The following ENTHD1 variants were observed in gnomAD, a reference collection of about 807,000 sequenced individuals.
ENTHD1 encodes the protein ENTH domain containing 1, also known as ENTH domain-containing protein 1.
A neutral mutation model predicts 39.1 loss-of-function variants in ENTHD1; 23 were observed. The ratio of observed to expected loss-of-function variants is 0.59; its 90% CI spans 0.42 to 0.83. ENTHD1 has a LOEUF of 0.83. Among genes scored for constraint, ENTHD1 ranks in the 40% least tolerant of loss-of-function variants. ENTHD1 has a pLI of 0.00. For synonymous variants in ENTHD1, 230 were observed against 258.2 expected (o/e 0.89, Z 1.05); for missense variants, 624 against 705.4 (o/e 0.88, Z 1.31).
chr22:39,779,285 G>A (rs2065389574), intron 5 of ENTHD1, among the ~76,000 whole-genome samples: 1 of 152,132 alleles, frequency 6.6e-6, no homozygotes, highest in South Asian at 2.1e-4. Flanking sequence ...AGGTTGCAGT[G>A]AGCCAAGATC....
intron 5 of ENTHD1, among the ~76,000 whole-genome samples, chr22:39,805,355 CA>C (rs1173415110): frequency 2.0e-4 from 31 of 152,122 alleles, no homozygotes; most frequent in Non-Finnish European, 2.9e-5. Context: ...ATCAGTCACT[CA>C]AAGTCCCTTA....
rs1601671926 is a variant in ENTHD1, at chr22:39,887,306, G to A, written c.349+94C>T. 4.7e-6 allele frequency: 5 copies of A among 1,072,166 alleles called. No individual in the cohort carries two copies. The East Asian group carries it at 1.2e-4, about 26-fold the overall frequency. 66.4% of individuals were successfully genotyped at this position (1,072,166 alleles called of 1,614,324 possible). A position where few individuals can be genotyped will look rare whatever the true frequency, so the allele number is the denominator to read the frequency against. ...TCCTCACTACAGCATCAAATGCCTG[G>A]GCTCATGCAGTCCTCCCACCTCAGC... On this transcript the variant is annotated intron_variant, in intron 2 of 6. Coordinates refer to ENST00000325157, the MANE Select transcript of ENTHD1 (RefSeq NM_152512.4).
intron 1 of ENTHD1, among the ~76,000 whole-genome samples, chr22:39,889,462 A>G (rs1885812862): frequency 6.6e-6 from 1 of 152,232 alleles, no homozygotes; most frequent in Non-Finnish European, 1.5e-5. Context: ...GCTGGCTGCC[A>G]AGACAGTGTA....
chr22:39,794,992 C>A lies in ENTHD1; in HGVS notation c.832+26001G>T, dbSNP rs143345204. Among the ~76,000 whole-genome samples, 436 of 152,098 alleles carry A rather than the reference C, an allele frequency of 2.9e-3. 7 individuals carry two copies. The highest frequency in any genetic ancestry group is 1.0e-2 in the African/African-American group (415 of 41,516). Reference sequence around the variant, plus strand: ...ATCATGAAGCGTCATTGGATTTTATCAAACGCTTTTTTGACATCTATTAAG... The same window carrying A: ...ATCATGAAGCGTCATTGGATTTTATAAAACGCTTTTTTGACATCTATTAAG... On this transcript the variant is annotated intron_variant, in intron 5 of 6. Transcript: ENST00000325157.
At chr22:39,890,125 A>C (rs1429430928) in intron 1 of ENTHD1, among the ~76,000 whole-genome samples, 1 of 150,142 alleles carries the variant, frequency 6.7e-6, no homozygotes, top group Non-Finnish European at 1.5e-5. Context: ...TAAATAAATA[A>C]ATAAATAAAT....
chr22:39,748,213 C>T (rs534352485), intron 6 of ENTHD1, among the ~76,000 whole-genome samples: 27 of 147,674 alleles, frequency 1.8e-4, no homozygotes, highest in Admixed American at 1.3e-3. Flanking sequence ...CATGCCAGGG[C>T]GCTCCAACCT....
intron 5 of ENTHD1, among the ~76,000 whole-genome samples, chr22:39,767,197 G>A (rs561135949): frequency 8.5e-4 from 130 of 152,166 alleles, no homozygotes; most frequent in Middle Eastern, 6.8e-3. Context: ...AAAAAGTAAC[G>A]CCTTCATTTT....
At chr22:39,763,861 A>T (rs1351736990) in intron 6 of ENTHD1, among the ~76,000 whole-genome samples, 1 of 152,192 alleles carries the variant, frequency 6.6e-6, no homozygotes, top group African/African-American at 2.4e-5. Context: ...CATGAAATAA[A>T]AAAACCAAAC....
intron 2 of ENTHD1, among the ~76,000 whole-genome samples, chr22:39,882,644 C>T (rs1374373490): frequency 3.3e-5 from 5 of 152,100 alleles, no homozygotes; most frequent in African/African-American, 1.2e-4. Flanking sequence ...AATAAATGCA[C>T]ATTTATTTAA....
chr22:39,856,452 C>T (rs2066088595), intron 3 of ENTHD1, among the ~76,000 whole-genome samples: 1 of 151,950 alleles, frequency 6.6e-6, no homozygotes, highest in Non-Finnish European at 1.5e-5. Context: ...TGAACACAAA[C>T]ACAGACATCT....
At chr22:39,791,890 C>T (rs1430998689) in intron 5 of ENTHD1, among the ~76,000 whole-genome samples, 2 of 151,886 alleles carry the variant, frequency 1.3e-5, no homozygotes, top group Admixed American at 6.6e-5. Context: ...CTTCTCCCAC[C>T]CTCCTCCCTC....
chr22:39,869,422 G>A (rs2066218764), intron 2 of ENTHD1, among the ~76,000 whole-genome samples: 1 of 151,974 alleles, frequency 6.6e-6, no homozygotes, highest in Non-Finnish European at 1.5e-5. Context: ...CTAAACATTG[G>A]GTACCCATAG....
rs188268694 is a variant in ENTHD1 at position 39,791,821 on chromosome 22, C to T, written c.833-26212G>A. 1.2e-4 allele frequency among the ~76,000 whole-genome samples: 18 copies of T among 152,152 alleles called. 1 individual carries two copies. The highest frequency in any genetic ancestry group is 2.1e-4 in the South Asian group (1 of 4,810). On this transcript the variant is annotated intron_variant, in intron 5 of 6. Transcript: ENST00000325157. ...GGGTTTGGTGTACAGATCATTTTGT[C>T]GCCTGGGTACTATGCTCAGTTTTTT...
At chr22:39,869,108 T>C (rs964974024) in intron 2 of ENTHD1, among the ~76,000 whole-genome samples, 7 of 152,184 alleles carry the variant, frequency 4.6e-5, no homozygotes, top group African/African-American at 1.7e-4. Context: ...GCAATCCCAT[T>C]ACTAGGTATA....
chr22:39,749,324 C>G (rs906675091), intron 6 of ENTHD1, among the ~76,000 whole-genome samples: 5 of 152,224 alleles, frequency 3.3e-5, no homozygotes, highest in African/African-American at 1.2e-4. Flanking sequence ...ATTTTAAAAT[C>G]TCATTGTGTG....
At chr22:39,813,666 A>C (rs1024932260) in intron 5 of ENTHD1, among the ~76,000 whole-genome samples, 7 of 152,256 alleles carry the variant, frequency 4.6e-5, no homozygotes, top group African/African-American at 1.7e-4. Context: ...TAGGAAGTCC[A>C]CGATCACACT....
chr22:39,875,698 C>G (rs573452679), intron 2 of ENTHD1: 2 of 1,612,210 alleles, frequency 1.2e-6, no homozygotes, highest in African/African-American at 1.3e-5. Flanking sequence ...TCACCCAGTT[C>G]GTTTCCAGCA....
intron 5 of ENTHD1, among the ~76,000 whole-genome samples, chr22:39,786,574 C>T (rs2065460728): frequency 6.6e-6 from 1 of 152,160 alleles, no homozygotes; most frequent in Admixed American, 6.5e-5. Flanking sequence ...TCTCTTTGAT[C>T]TCTGTGCTAA....
chr22:39,828,761 C>CT (rs1391851015), intron 4 of ENTHD1, among the ~76,000 whole-genome samples: 2 of 152,076 alleles, frequency 1.3e-5, no homozygotes, highest in Non-Finnish European at 2.9e-5. Context: ...TGCAAATAGC[C>CT]TTATTCATTA....
Sources: allele counts gnomAD v4.1 joint callset (sites outside exome capture counted in the v4.1 genomes callset), GRCh38; gene constraint gnomAD v4.1.1; transcripts MANE v1.5; gene names NCBI Gene and HGNC (gene_info 2026-07-23, HGNC 2026-07-21).